The following COL23A1 variants were observed in gnomAD, a reference collection of about 807,000 sequenced individuals.
The protein encoded by COL23A1 is collagen type XXIII alpha 1 chain.
In COL23A1, 97 loss-of-function variants were observed where a neutral mutation model predicts 99.3. The ratio of observed to expected loss-of-function variants is 0.98; its 90% CI spans 0.83 to 1.16. The LOEUF is 1.16. COL23A1 is among the 50% of genes most tolerant of loss of function. The pLI, the probability that COL23A1 is intolerant of heterozygous loss-of-function variation, is 0.00. For missense variants in COL23A1, 762 were observed against 757.4 expected (o/e 1.01, Z -0.07); for synonymous variants, 320 against 308.2 (o/e 1.04, Z -0.40).
At position 178,434,991 on chromosome 5, in the gene COL23A1, G is replaced by A. The variant is rs113891407; in HGVS notation, c.361+125691C>T. ...GCTGCAAGGGAGGGGGTCGGCACCC[G>A]TCCAGCACCGCTCGCTCGATTTCCA... On this transcript the variant is annotated intron_variant, in intron 2 of 28. Coordinates refer to ENST00000390654, the MANE Select transcript of COL23A1 (RefSeq NM_173465.4). The surrounding 1 kb of genome is among the most constrained non-coding windows in gnomAD (Gnocchi z 4.3). Among the ~76,000 whole-genome samples, 8 of 152,314 alleles carry A rather than the reference G, an allele frequency of 5.3e-5. No individual in the cohort carries two copies. The highest frequency in any genetic ancestry group is 2.1e-4 in the South Asian group (1 of 4,826).
chr5:178,364,275 G>C (rs10213827), intron 2 of COL23A1, among the ~76,000 whole-genome samples: 67,929 of 151,616 alleles, frequency 0.45, 16,232 homozygotes, highest in Non-Finnish European at 0.54. Context: ...GAACTGCCTG[G>C]CCCCCGCCCC....
At chr5:178,344,562 G>A (rs1760853969) in intron 2 of COL23A1, among the ~76,000 whole-genome samples, 1 of 152,138 alleles carries the variant, frequency 6.6e-6, no homozygotes, top group South Asian at 2.1e-4. Flanking sequence ...AGAATCGCTT[G>A]AACCTGGGAG....
chr5:178,561,330 G>C (rs929754026), intron 1 of COL23A1, among the ~76,000 whole-genome samples: 1 of 152,196 alleles, frequency 6.6e-6, no homozygotes, highest in South Asian at 2.1e-4. Flanking sequence ...CCTTGGCCTA[G>C]AAAATTTGGT....
intron 2 of COL23A1, among the ~76,000 whole-genome samples, chr5:178,389,328 T>G (rs1763838197): frequency 6.6e-6 from 1 of 151,978 alleles, no homozygotes; most frequent in Non-Finnish European, 1.5e-5. Context: ...TTTCCAAAGG[T>G]GGGTTTGGCT....
At position 178,540,806 on chromosome 5, in the gene COL23A1, G is replaced by T. The variant is rs184412488; in HGVS notation, c.361+19876C>A. Among the ~76,000 whole-genome samples the T allele has an allele frequency of 4.3e-4, 65 of 152,224 alleles. 1 individual carries two copies. Among genetic ancestry groups the T allele is most frequent in the Admixed American group, 3.2e-3 (49 of 15,290 alleles). ...GCCAGGTGTGTTGGTGAGTGCCTGTGGTCCCAGCTACTCAGGGGGCTGAGG... is the reference window on the plus strand; with the variant it reads ...GCCAGGTGTGTTGGTGAGTGCCTGTTGTCCCAGCTACTCAGGGGGCTGAGG... On this transcript the variant is annotated intron_variant, in intron 2 of 28. Transcript: ENST00000390654.
intron 2 of COL23A1, among the ~76,000 whole-genome samples, chr5:178,323,744 CA>C (rs1759478823): frequency 6.6e-6 from 1 of 152,150 alleles, no homozygotes; most frequent in South Asian, 2.1e-4. Context: ...CTGCAGGGAG[CA>C]GGGAGGTGGC....
At chr5:178,358,769 GTGTGTA>G (rs148866705) in intron 2 of COL23A1, among the ~76,000 whole-genome samples, 14,950 of 148,716 alleles carry the variant, frequency 0.1, 898 homozygotes, top group Middle Eastern at 0.24. Context: ...GTGTGTATGT[GTGTGTA>G]TGTGTATGTG....
rs138287114 is a variant in COL23A1 at position 178,271,988 on chromosome 5, C to T, written c.442-1625G>A. Reference sequence around the variant, plus strand: ...GGCTGTCCCTGCCTCTCTGGGCTTCCGCTGGCTGAGGACGGACTCCCAGGC... The same window carrying T: ...GGCTGTCCCTGCCTCTCTGGGCTTCTGCTGGCTGAGGACGGACTCCCAGGC... On this transcript the variant is annotated intron_variant, in intron 5 of 28. Transcript: ENST00000390654. Among the ~76,000 whole-genome samples the T allele has an allele frequency of 1.2e-4, 19 of 152,340 alleles. No individual in the cohort carries two copies. The Middle Eastern group carries it at 0.01, about 82-fold the overall frequency.
At position 178,357,916 on chromosome 5, in the gene COL23A1, ATGTGTATG is replaced by A. The variant is rs1446768434; in HGVS notation, c.362-51005_362-50998del. Among the ~76,000 whole-genome samples, 21 of 46,928 alleles carry A rather than the reference ATGTGTATG, an allele frequency of 4.5e-4. 1 individual carries two copies. Among genetic ancestry groups the A allele is most frequent in the South Asian group, 1.0e-3 (1 of 998 alleles). The allele number at this position is 46,928 out of a possible 152,430, so 30.8% of individuals were successfully genotyped here. A position where few individuals can be genotyped will look rare whatever the true frequency, so the allele number is the denominator to read the frequency against. ...GTGTATGTGTGTCTAATGTGTGTGT[ATGTGTATG>A]TGTGTATGTGTATGTATGTGTGTGT... On this transcript the variant is annotated intron_variant, in intron 2 of 28. Transcript: ENST00000390654.
chr5:178,296,590 G>T (rs1391727804), intron 3 of COL23A1, among the ~76,000 whole-genome samples: 1 of 152,114 alleles, frequency 6.6e-6, no homozygotes, highest in African/African-American at 2.4e-5. Context: ...AGAAAGAGCG[G>T]TAATGTGTAC....
At chr5:178,367,595 A>G (rs2973710) in intron 2 of COL23A1, among the ~76,000 whole-genome samples, 20,580 of 152,130 alleles carry the variant, frequency 0.14, 2,547 homozygotes, top group African/African-American at 0.34. Context: ...GAGCCCTGAC[A>G]TGTTAGGGAG....
chr5:178,245,080 CA>C, intron 25 of COL23A1, among the ~76,000 whole-genome samples: 1 of 78,944 alleles, frequency 1.3e-5, no homozygotes, highest in Non-Finnish European at 2.5e-5. Flanking sequence ...CATCATCTAT[CA>C]TCCATCCATC....
intron 17 of COL23A1, among the ~76,000 whole-genome samples, chr5:178,251,925 T>TTTTTTTTA (rs1554125608): frequency 1.4e-5 from 2 of 142,794 alleles, no homozygotes; most frequent in Non-Finnish European, 3.1e-5. Flanking sequence ...TTTTTTTTTT[T>TTTTTTTTA]ATTTTGAGAC....
At chr5:178,449,297 C>G (rs1047209208) in intron 2 of COL23A1, among the ~76,000 whole-genome samples, 3 of 152,186 alleles carry the variant, frequency 2.0e-5, no homozygotes, top group African/African-American at 7.2e-5. Flanking sequence ...TGTCTTCCCC[C>G]ACGTCTGCCG....
chr5:178,501,877 G>A (rs541013464), intron 2 of COL23A1, among the ~76,000 whole-genome samples: 30 of 152,290 alleles, frequency 2.0e-4, no homozygotes, highest in Non-Finnish European at 2.9e-4. Context: ...GAGGCCTTGC[G>A]GGGAGCCTGG....
chr5:178,356,500 A>C (rs1249119460), intron 2 of COL23A1, among the ~76,000 whole-genome samples: 1 of 152,072 alleles, frequency 6.6e-6, no homozygotes, highest in East Asian at 1.9e-4. Flanking sequence ...GCCTCAGGAG[A>C]GGGGCCTGAG....
intron 2 of COL23A1, among the ~76,000 whole-genome samples, chr5:178,341,514 G>A (rs1441240734): frequency 6.6e-6 from 1 of 152,214 alleles, no homozygotes; most frequent in African/African-American, 2.4e-5. Context: ...TGAAGGTTTT[G>A]TTTTCAAAAT....
At chr5:178,259,791 AG>A in intron 11 of COL23A1, 44 bp from the exon 12 acceptor site, 3 of 1,566,230 alleles carry the variant, frequency 1.9e-6, no homozygotes, top group Non-Finnish European at 2.6e-6. Flanking sequence ...TCAAAACCAT[AG>A]GAGAGTGGCC....
chr5:178,406,313 G>A (rs533626415), intron 2 of COL23A1, among the ~76,000 whole-genome samples: 1 of 152,174 alleles, frequency 6.6e-6, no homozygotes, highest in Non-Finnish European at 1.5e-5. Context: ...GGCAAACACA[G>A]TGGAAGACAT....
Sources: gnomAD v4.1 joint callset for allele counts (sites outside exome capture counted in the v4.1 genomes callset) on GRCh38, gnomAD v4.1.1 for gene constraint, Gnocchi (gnomAD v3.1) non-coding constraint, MANE v1.5 for transcripts, NCBI Gene and HGNC (gene_info 2026-07-23, HGNC 2026-07-21) for gene names.